Variants in JMJD7 observed in about 807,000 individuals in gnomAD.
The protein encoded by JMJD7 is bifunctional peptidase and (3S)-lysyl hydroxylase JMJD7.
A neutral mutation model predicts 41.1 loss-of-function variants in JMJD7; 41 were observed. The observed-to-expected ratio is 1.00, with a 90% CI of 0.78 to 1.30. The LOEUF is 1.30. Among genes scored for constraint, JMJD7 ranks in the 50% most tolerant of loss-of-function variants. The pLI is 0.00. For synonymous variants in JMJD7, 202 were observed against 177.2 expected (o/e 1.14, Z -1.11); for missense variants, 480 against 420.7 (o/e 1.14, Z -1.23).
chr15:41,828,825 C>CT (rs994189134), intron 1 of JMJD7, among the ~76,000 whole-genome samples: 54 of 152,238 alleles, frequency 3.5e-4, no homozygotes, highest in African/African-American at 1.2e-3. Context: ...ACTTTTTACC[C>CT]TTTTTTTGTA....
chr15:41,835,195 C>T lies in JMJD7; in HGVS notation c.444C>T (p.Ser148=), dbSNP rs148739127. ...CCCAGCTGCTGCCTGATCTGGAATC[C>T]CATGTGCCCTGGGCCTCCGAAGCCC... ...ELPQLLPDLE[S]HVPWASEALG... Residue 148 remains serine (S), a synonymous_variant, in exon 3 of 8, where the codon TCC becomes TCT. Transcript: ENST00000397299. The T allele has an allele frequency of 2.3e-4, 369 of 1,601,082 alleles. 2 individuals carry two copies. The Middle Eastern group carries it at 7.8e-3, about 34-fold the overall frequency.
chr15:41,836,311 G>T lies in JMJD7; in HGVS notation c.625+68G>T, dbSNP rs375258358. ...CCCAAGGGGGAGGGAGGCAGCAAGAGCCTGGGAGGCCAGTTCCCAGGCCTG... is the reference window on the plus strand; with the variant it reads ...CCCAAGGGGGAGGGAGGCAGCAAGATCCTGGGAGGCCAGTTCCCAGGCCTG... On this transcript the variant is annotated intron_variant, in intron 5 of 7. Transcript: ENST00000397299. 2.3e-5 allele frequency: 36 copies of T among 1,595,688 alleles called. No homozygotes were observed. In the African/African-American group the frequency reaches 4.6e-4, roughly 20 times the overall value.
At chr15:41,833,502 C>A (rs1420978778) in intron 1 of JMJD7, among the ~76,000 whole-genome samples, 1 of 144,658 alleles carries the variant, frequency 6.9e-6, no homozygotes, top group African/African-American at 2.6e-5. Flanking sequence ...CTCATTGCAG[C>A]CTCTACCTCT....
intron 1 of JMJD7, among the ~76,000 whole-genome samples, chr15:41,833,140 A>G (rs762620836): frequency 2.6e-5 from 4 of 152,112 alleles, no homozygotes; most frequent in Admixed American, 1.3e-4. Flanking sequence ...GACTGGGGCT[A>G]TGATGATGAA....
Position 41,836,800 on chromosome 15 carries a change from A to G in JMJD7, c.722A>G (p.Asp241Gly), listed in dbSNP as rs2065325714. ...AMEKVPWIPL[D>G]PLAPDLARYP... ...TCCCAGGTGCCCTGGATCCCACTGG[A>G]CCCCTTGGCGCCAGACCTAGCACGG... The change falls in exon 7 of 8, where the codon GAC (aspartate) becomes GGC (glycine). Residue 241 changes from aspartate to glycine, a missense_variant. Asp to Gly is a moderately conservative substitution (Grantham distance 94, BLOSUM62 -1). Transcript: ENST00000397299. The G allele has an allele frequency of 6.2e-7, 1 of 1,610,180 alleles. No homozygotes were observed.
At chr15:41,836,723 G>T in intron 6 of JMJD7, 58 bp from the exon 7 acceptor site, 1 of 1,534,914 alleles carries the variant, frequency 6.5e-7, no homozygotes, top group Non-Finnish European at 8.8e-7. Context: ...GGAAGGGACA[G>T]AGCCTGAAGT....
Position 41,837,282 on chromosome 15 carries a change from T to TG in JMJD7, c.*127dup. The TG allele has an allele frequency of 1.5e-6, 1 of 654,656 alleles. No homozygotes were observed. Among genetic ancestry groups the TG allele is most frequent in the South Asian group, 1.8e-5 (1 of 54,214 alleles). The allele number at this position is 654,656 out of a possible 1,614,324, so 40.6% of individuals were successfully genotyped here. A position where few individuals can be genotyped will look rare whatever the true frequency, so the allele number is the denominator to read the frequency against. On this transcript the variant is annotated 3_prime_UTR_variant, in exon 8 of 8. Transcript: ENST00000397299. ...TGCTGGCCCCGGGTCCAGCATGGCT[T>TG]GAGATCAGCTTTGGAGGATCTTGGA...
intron 1 of JMJD7, chr15:41,832,371 A>G: frequency 5.5e-6 from 1 of 181,998 alleles, no homozygotes; most frequent in Non-Finnish European, 1.1e-5. Context: ...CACCCCAAAG[A>G]TCCCGTGACA....
chr15:41,833,381 G>C lies in JMJD7; in HGVS notation c.65-1359G>C, dbSNP rs529681977. On this transcript the variant is annotated intron_variant, in intron 1 of 7. Coordinates refer to ENST00000397299, the MANE Select transcript of JMJD7 (RefSeq NM_001114632.2). Reference sequence around the variant, plus strand: ...GGTGAAAGAATGATAAACAGTTTATGTAGGTGAAATACATATATATATATA... The same window carrying C: ...GGTGAAAGAATGATAAACAGTTTATCTAGGTGAAATACATATATATATATA... Among the ~76,000 whole-genome samples the C allele has an allele frequency of 8.3e-5, 10 of 120,862 alleles. 1 individual carries two copies. Among genetic ancestry groups the C allele is most frequent in the Non-Finnish European group, 1.5e-4 (9 of 59,250 alleles). The allele number at this position is 120,862 out of a possible 152,430, so 79.3% of individuals were successfully genotyped here.
intron 1 of JMJD7, among the ~76,000 whole-genome samples, chr15:41,831,247 A>G (rs569770871): frequency 6.6e-6 from 1 of 152,224 alleles, no homozygotes; most frequent in Admixed American, 6.5e-5. Flanking sequence ...ATGACAGGAC[A>G]ACCTGCCCAC....
At chr15:41,836,626 C>G (rs756602146) in intron 6 of JMJD7, 75 bp downstream of exon 6, 48 of 1,478,358 alleles carry the variant, frequency 3.2e-5, no homozygotes, top group Non-Finnish European at 4.3e-5. Flanking sequence ...CACAAAAGAT[C>G]TGGGGAGGTG....
intron 6 of JMJD7, 40 bp downstream of exon 6, chr15:41,836,591 C>A (rs372221448): frequency 6.6e-7 from 1 of 1,513,374 alleles, no homozygotes; most frequent in Non-Finnish European, 8.8e-7. Context: ...GGGAGAAGGG[C>A]AGAAGCCTGG....
In JMJD7 at chr15:41,837,122, TCGA is replaced by T; in HGVS notation, c.919_921del (p.Asp307del). ...CTCAAGTATAGTTACTTCCAGCTGCTCGACTCCCTCACCAAGGCTTCAGGCCTT... is the reference window on the plus strand; with the variant it reads ...CTCAAGTATAGTTACTTCCAGCTGCTCTCCCTCACCAAGGCTTCAGGCCTT... On this transcript the variant is annotated inframe_deletion, in exon 8 of 8. Transcript: ENST00000397299. 1 of 1,613,434 alleles carries T rather than the reference TCGA, an allele frequency of 6.2e-7. No homozygotes were observed. Among genetic ancestry groups the T allele is most frequent in the Non-Finnish European group, 8.5e-7 (1 of 1,179,642 alleles).
chr15:41,828,493 C>G (rs1405554726), intron 1 of JMJD7: 2 of 304,170 alleles, frequency 6.6e-6, no homozygotes, highest in African/African-American at 4.3e-5. Flanking sequence ...CGAAGGCACA[C>G]AGCTGGTGGT....
rs1272755884 is a variant in JMJD7, at chr15:41,837,268, G to T, written c.*112G>T. ...GTGTGCATGCTGGCTGCTGGCCCCG[G>T]GTCCAGCATGGCTTGAGATCAGCTT... On this transcript the variant is annotated 3_prime_UTR_variant, in exon 8 of 8. Transcript: ENST00000397299. The T allele has an allele frequency of 1.1e-5, 8 of 695,980 alleles. No individual in the cohort carries two copies. The East Asian group carries it at 1.4e-4, about 12-fold the overall frequency. 43.1% of individuals were successfully genotyped at this position (695,980 alleles called of 1,614,324 possible).
chr15:41,836,499 A>G lies in JMJD7; in HGVS notation c.650A>G (p.Gln217Arg), dbSNP rs34826818. The G allele has an allele frequency of 4.4e-5, 70 of 1,591,810 alleles. No individual in the cohort carries two copies. In the African/African-American group the frequency reaches 8.7e-4, roughly 20 times the overall value. The change falls in exon 6 of 8, where the codon CAG (glutamine) becomes CGG (arginine). Residue 217 changes from glutamine (Q) to arginine (R), a missense_variant. Physicochemically the swap from Gln to Arg is conservative, Grantham distance 43. Transcript: ENST00000397299. Reference sequence around the variant, plus strand: ...GAGCTGTACACGCCGGCAACCTACCAGCTAACTGAAGAGGGCACCTTTAAG... The same window carrying G: ...GAGCTGTACACGCCGGCAACCTACCGGCTAACTGAAGAGGGCACCTTTAAG... ...PYELYTPATY[Q>R]LTEEGTFKVV... is the part of the protein sequence containing the mutation.
intron 1 of JMJD7, among the ~76,000 whole-genome samples, chr15:41,828,838 A>G (rs1427807035): frequency 1.3e-5 from 2 of 152,100 alleles, no homozygotes; most frequent in African/African-American, 2.4e-5. Context: ...TTTTTGTACA[A>G]ATAGTAGCCT....
At chr15:41,836,745 T>C (rs759679456) in intron 6 of JMJD7, 36 bp from the exon 7 acceptor site, 1 of 1,569,352 alleles carries the variant, frequency 6.4e-7, no homozygotes, top group South Asian at 1.2e-5. Context: ...CTGGGGGGTC[T>C]GGGGGGCTGC....
At chr15:41,832,335 ACAGAGGTTTC>A (rs1186601355) in intron 1 of JMJD7, 1 of 184,872 alleles carries the variant, frequency 5.4e-6, no homozygotes, top group Admixed American at 5.9e-5. Context: ...ATCACTGGCC[ACAGAGGTTTC>A]CAGCTGGTAA....
Sources: allele counts gnomAD v4.1 joint callset (sites outside exome capture counted in the v4.1 genomes callset), GRCh38; gene constraint gnomAD v4.1.1; transcripts MANE v1.5; gene names NCBI Gene and HGNC (gene_info 2026-07-23, HGNC 2026-07-21).